Variants in RIIAD1 observed in about 807,000 individuals in gnomAD.
RIIAD1 encodes the protein regulatory subunit of type II PKA R-subunit domain containing 1.
In RIIAD1, 15 loss-of-function variants were observed where a neutral mutation model predicts 13.3. The ratio of observed to expected loss-of-function variants is 1.13; its 90% CI spans 0.76 to 1.74. The LOEUF (loss-of-function observed/expected upper bound fraction) is 1.74, where lower values mean the gene tolerates loss of function less well. RIIAD1 is among the 40% of genes most tolerant of loss of function. RIIAD1 has a pLI of 0.00. For synonymous variants in RIIAD1, 50 were observed against 43.3 expected, an observed-to-expected ratio of 1.16 and a Z score of -0.61; for missense variants, 121 against 112.2, an observed-to-expected ratio of 1.08 and a Z score of -0.35.
At chr1:151,720,436 A>G (rs1334509701), upstream of RIIAD1, among the ~76,000 whole-genome samples, 2 of 152,200 alleles carry the variant, frequency 1.3e-5, no homozygotes, top group Admixed American at 6.5e-5. Flanking sequence ...CAATCAACCA[A>G]AATGATCACT....
intron 1 of RIIAD1, 56 bp downstream of exon 1, chr1:151,721,676 TG>T: frequency 1.8e-6 from 2 of 1,110,518 alleles, no homozygotes; most frequent in South Asian, 2.6e-5. Context: ...GCCCCAGGAC[TG>T]GGGCCCCAGA....
intron 3 of RIIAD1, among the ~76,000 whole-genome samples, chr1:151,728,181 C>T (rs1212139652): frequency 6.6e-6 from 1 of 152,178 alleles, no homozygotes; most frequent in South Asian, 2.1e-4. Flanking sequence ...AACAGAATCT[C>T]AATACGCCTT....
Position 151,727,631 on chromosome 1 carries a change from G to T in RIIAD1, c.208+10G>T, listed in dbSNP as rs1383771523. On this transcript the variant is annotated intron_variant, in intron 3 of 4. Coordinates refer to ENST00000479191, the MANE Select transcript of RIIAD1 (RefSeq NM_001144956.3). ...CTAGAATTTGCTGCAGGTGAGTAAGGCAGCGTCGGTTTTGGGTATCTGACA... is the reference window on the plus strand; with the variant it reads ...CTAGAATTTGCTGCAGGTGAGTAAGTCAGCGTCGGTTTTGGGTATCTGACA... The T allele has an allele frequency of 1.3e-6, 2 of 1,544,452 alleles. No individual in the cohort carries two copies. Among genetic ancestry groups the T allele is most frequent in the African/African-American group, 2.7e-5 (2 of 72,854 alleles).
At chr1:151,714,737 G>A in intron 4 of RIIAD1, 1 of 1,191,496 alleles carries the variant, frequency 8.4e-7, no homozygotes, top group South Asian at 1.3e-5. Context: ...TCCCCTCTCT[G>A]AAAGGCTCCC....
At chr1:151,721,678 G>C (rs899406375) in intron 1 of RIIAD1, 58 bp downstream of exon 1, 129 of 1,105,264 alleles carry the variant, frequency 1.2e-4, no homozygotes, top group Non-Finnish European at 1.4e-4. Context: ...CCCAGGACTG[G>C]GGCCCCAGAC....
At chr1:151,724,664 CG>C (rs1461932559) in intron 2 of RIIAD1, among the ~76,000 whole-genome samples, 12 of 152,168 alleles carry the variant, frequency 7.9e-5, no homozygotes, top group Non-Finnish European at 1.6e-4. Flanking sequence ...GTAAATACAG[CG>C]TACCAAACTC....
intron 4 of RIIAD1, chr1:151,715,649 C>A (rs750743918): frequency 7.3e-6 from 11 of 1,503,752 alleles, no homozygotes; most frequent in African/African-American, 1.4e-5. Flanking sequence ...TCTTTGCAGC[C>A]GTCTTGACAA....
intron 2 of RIIAD1, among the ~76,000 whole-genome samples, chr1:151,723,193 G>A (rs540880176): frequency 1.3e-5 from 2 of 152,200 alleles, no homozygotes; most frequent in African/African-American, 4.8e-5. Context: ...TCGGGAGTTC[G>A]AGACCAGCCT....
intron 4 of RIIAD1, chr1:151,714,710 G>T (rs894987322): frequency 4.8e-6 from 7 of 1,447,442 alleles, no homozygotes; most frequent in African/African-American, 1.4e-5. Context: ...AACACGGCGG[G>T]GGGTGAGTCC....
Position 151,722,065 on chromosome 1 carries a change from C to A in RIIAD1, c.85-21C>A, listed in dbSNP as rs1399799437. On this transcript the variant is annotated intron_variant, in intron 1 of 4. Coordinates refer to ENST00000479191, the MANE Select transcript of RIIAD1 (RefSeq NM_001144956.3). ...TGAATCTGTCTCCTAATGGAAGTGA[C>A]CCTTTGTTCTTGCCCCCCAGATTCA... 8 of 1,522,630 alleles carry A rather than the reference C, an allele frequency of 5.3e-6. No homozygotes were observed. In the South Asian group the frequency reaches 8.4e-5, roughly 16 times the overall value. The allele number at this position is 1,522,630 out of a possible 1,614,324, so 94.3% of individuals were successfully genotyped here. A position where few individuals can be genotyped will look rare whatever the true frequency, so the allele number is the denominator to read the frequency against.
chr1:151,711,624 C>T (rs576067366), intron 1 of RIIAD1, among the ~76,000 whole-genome samples: 1 of 152,348 alleles, frequency 6.6e-6, no homozygotes, highest in East Asian at 1.9e-4. Context: ...CAAAGCGTGT[C>T]GTGGGGGCAG....
At chr1:151,715,639 T>A (rs1480610915) in intron 4 of RIIAD1, 1 of 1,492,972 alleles carries the variant, frequency 6.7e-7, no homozygotes, top group African/African-American at 1.4e-5. Flanking sequence ...GGGATCCACA[T>A]CTTTGCAGCC....
chr1:151,728,640 C>T (rs1278915497), intron 3 of RIIAD1, 126 bp from the exon 4 acceptor site: 2 of 672,390 alleles, frequency 3.0e-6, no homozygotes. Context: ...AAAGCAGGGC[C>T]ACCAGTAGTA....
chr1:151,726,353 G>A (rs115385042), intron 2 of RIIAD1, among the ~76,000 whole-genome samples: 2,134 of 152,250 alleles, frequency 0.014, 30 homozygotes, highest in Admixed American at 0.026. Context: ...TTTGAGGTAG[G>A]GCTATATTTT....
chr1:151,727,067 T>C (rs1673843794), intron 2 of RIIAD1, among the ~76,000 whole-genome samples: 1 of 152,070 alleles, frequency 6.6e-6, no homozygotes. Flanking sequence ...AGTAGGAGGA[T>C]CGCTTGAGCC....
At position 151,728,844 on chromosome 1, in the gene RIIAD1, AATC is replaced by A; in HGVS notation, c.*11_*13del. On this transcript the variant is annotated 3_prime_UTR_variant, in exon 4 of 5. Transcript: ENST00000479191. ...GACAAGAAAGCGGCTTAATTAGCAA[AATC>A]ATGATGCTCAGCTGTTGGGAGAGAC... 6.7e-7 allele frequency: 1 copy of A among 1,493,362 alleles called. No individual in the cohort carries two copies. Among genetic ancestry groups the A allele is most frequent in the Non-Finnish European group, 9.1e-7 (1 of 1,094,138 alleles). 92.5% of individuals were successfully genotyped at this position (1,493,362 alleles called of 1,614,324 possible). A position where few individuals can be genotyped will look rare whatever the true frequency, so the allele number is the denominator to read the frequency against.
At chr1:151,715,934 CTG>C (rs1483052098) in intron 4 of RIIAD1, 1 of 1,614,196 alleles carries the variant, frequency 6.2e-7, no homozygotes, top group East Asian at 2.2e-5. Context: ...TCCGACCAAA[CTG>C]TTCGAAGATG....
exon 4 of RIIAD1, chr1:151,714,489 G>T: frequency 3.7e-6 from 3 of 810,074 alleles, no homozygotes; most frequent in Non-Finnish European, 6.4e-6. Flanking sequence ...ACTTCCTGGT[G>T]ATGAGAGGAG....
chr1:151,724,071 G>T (rs960143016), intron 2 of RIIAD1, among the ~76,000 whole-genome samples: 1 of 152,220 alleles, frequency 6.6e-6, no homozygotes, highest in African/African-American at 2.4e-5. Context: ...GAATGCTTGG[G>T]GTTGATGAAT....
Sources: allele counts gnomAD v4.1 joint callset (sites outside exome capture counted in the v4.1 genomes callset), GRCh38; gene constraint gnomAD v4.1.1; transcripts MANE v1.5; gene names NCBI Gene and HGNC (gene_info 2026-07-23, HGNC 2026-07-21).